The following AUTS2 variants were observed in gnomAD, a reference collection of about 807,000 sequenced individuals.
AUTS2 encodes the protein activator of transcription and developmental regulator AUTS2.
A neutral mutation model predicts 112.4 loss-of-function variants in AUTS2; 17 were observed. The ratio of observed to expected loss-of-function variants is 0.15; its 90% CI spans 0.10 to 0.23. AUTS2 has a LOEUF of 0.23. Among genes scored for constraint, AUTS2 ranks in the 10% least tolerant of loss-of-function variants. The pLI is 1.00. For missense variants in AUTS2, 1,510 were observed against 1,701.6 expected, an observed-to-expected ratio of 0.89 and a Z score of 1.98; for synonymous variants, 751 against 702.7, an observed-to-expected ratio of 1.07 and a Z score of -1.09.
intron 5 of AUTS2, among the ~76,000 whole-genome samples, chr7:70,473,985 T>C (rs1485106055): frequency 6.6e-6 from 1 of 152,136 alleles, no homozygotes; most frequent in Non-Finnish European, 1.5e-5. Flanking sequence ...AGACTTCCCA[T>C]GTGTTAAAAA....
intron 4 of AUTS2, among the ~76,000 whole-genome samples, chr7:70,157,800 T>C (rs1807862255): frequency 1.3e-5 from 2 of 151,914 alleles, no homozygotes; most frequent in South Asian, 2.1e-4. Flanking sequence ...TAAACTGGAA[T>C]ATCCATGGGG....
intron 6 of AUTS2, among the ~76,000 whole-genome samples, chr7:70,716,636 C>CAAAAAAAAAAAAAAA (rs34972760): frequency 3.1e-5 from 2 of 64,942 alleles, no homozygotes; most frequent in African/African-American, 6.6e-5. Context: ...GACTCCGTCT[C>CAAAAAAAAAAAAAAA]AAAAAAAAAA....
At chr7:69,720,281 T>C (rs1043079068) in intron 1 of AUTS2, among the ~76,000 whole-genome samples, 1 of 152,206 alleles carries the variant, frequency 6.6e-6, no homozygotes, top group Non-Finnish European at 1.5e-5. Context: ...CCTTTCATAA[T>C]AGAATGAATA....
At position 69,598,652 on chromosome 7, in the gene AUTS2, G is replaced by A; in HGVS notation, c.-1002G>A. ...GAGAGAAGCGGCGGCGGCGGCGGCG[G>A]CACACCGGTGTCTCTCCCGCTGGAG... On this transcript the variant is annotated 5_prime_UTR_variant, in exon 1 of 19. Transcript: ENST00000342771. The A allele has an allele frequency of 6.0e-6, 1 of 166,614 alleles. No individual in the cohort carries two copies. Among genetic ancestry groups the A allele is most frequent in the South Asian group, 1.3e-4 (1 of 7,572 alleles). 10.3% of individuals were successfully genotyped at this position (166,614 alleles called of 1,614,324 possible).
At chr7:69,628,078 C>T (rs768126344) in intron 1 of AUTS2, among the ~76,000 whole-genome samples, 5 of 152,060 alleles carry the variant, frequency 3.3e-5, no homozygotes, top group Non-Finnish European at 5.9e-5. Context: ...AGTAATGTGT[C>T]GGTAATGTGT....
chr7:69,747,495 T>C (rs1054789975), intron 1 of AUTS2, among the ~76,000 whole-genome samples: 2 of 152,156 alleles, frequency 1.3e-5, no homozygotes, highest in Admixed American at 1.3e-4. Flanking sequence ...GAATATAAGC[T>C]CTGGACTGTG....
In AUTS2 at chr7:70,631,718, C is replaced by G. The variant is rs1805271810; in HGVS notation, c.691-66851C>G. Among the ~76,000 whole-genome samples the G allele has an allele frequency of 6.6e-6, 1 of 152,302 alleles. No homozygotes were observed. Among genetic ancestry groups the G allele is most frequent in the African/African-American group, 2.4e-5 (1 of 41,584 alleles). Reference sequence around the variant, plus strand: ...ATAGCCCCATGTCCCCAACCTTAGCCTTTGCACGGTTGGCTGGGCCACAGC... The same window carrying G: ...ATAGCCCCATGTCCCCAACCTTAGCGTTTGCACGGTTGGCTGGGCCACAGC... On this transcript the variant is annotated intron_variant, in intron 5 of 18. Coordinates refer to ENST00000342771, the MANE Select transcript of AUTS2 (RefSeq NM_015570.4). The surrounding 1 kb of genome is among the most constrained non-coding windows in gnomAD (Gnocchi z 4.5).
At chr7:70,458,377 T>G (rs1245158571) in intron 5 of AUTS2, among the ~76,000 whole-genome samples, 1 of 152,190 alleles carries the variant, frequency 6.6e-6, no homozygotes, top group Non-Finnish European at 1.5e-5. Context: ...CTCTGGTCCT[T>G]CTGGTATGTT....
chr7:70,469,133 A>G (rs968319738), intron 5 of AUTS2, among the ~76,000 whole-genome samples: 2 of 152,202 alleles, frequency 1.3e-5, no homozygotes, highest in Non-Finnish European at 2.9e-5. Context: ...CAAGTATTTG[A>G]GTGTCTGTTA....
chr7:69,873,509 G>A (rs1793596590), intron 1 of AUTS2, among the ~76,000 whole-genome samples: 1 of 150,686 alleles, frequency 6.6e-6, no homozygotes, highest in African/African-American at 2.4e-5. Context: ...TTTATAAGAT[G>A]AGAGAATTAG....
intron 4 of AUTS2, among the ~76,000 whole-genome samples, chr7:70,310,608 G>T (rs1173229566): frequency 7.3e-6 from 1 of 136,984 alleles, no homozygotes; most frequent in Non-Finnish European, 1.6e-5. Context: ...GCGAGACTCT[G>T]TCTTAAAAAA....
chr7:69,714,183 C>T (rs1453465621), intron 1 of AUTS2, among the ~76,000 whole-genome samples: 1 of 151,878 alleles, frequency 6.6e-6, no homozygotes, highest in African/African-American at 2.4e-5. Context: ...ACATCATCCC[C>T]TCAAGCTGTA....
chr7:69,978,524 A>G (rs1282088322), intron 2 of AUTS2, among the ~76,000 whole-genome samples: 1 of 152,118 alleles, frequency 6.6e-6, no homozygotes, highest in African/African-American at 2.4e-5. Context: ...TGTTCCTCTG[A>G]AAAACCATTC....
intron 4 of AUTS2, among the ~76,000 whole-genome samples, chr7:70,354,991 TGTGTATGG>T (rs1440478363): frequency 6.6e-6 from 1 of 151,356 alleles, no homozygotes; most frequent in Non-Finnish European, 1.5e-5. Flanking sequence ...TGGGTGTGTG[TGTGTATGG>T]GTGTGTGTGT....
chr7:69,673,634 A>T (rs540952024), intron 1 of AUTS2, among the ~76,000 whole-genome samples: 1 of 152,356 alleles, frequency 6.6e-6, no homozygotes, highest in African/African-American at 2.4e-5. Context: ...CCCTAAAATC[A>T]GGATAGAATC....
At chr7:69,803,540 TC>T (rs1790176412) in intron 1 of AUTS2, among the ~76,000 whole-genome samples, 1 of 143,060 alleles carries the variant, frequency 7.0e-6, no homozygotes, top group Non-Finnish European at 1.5e-5. Context: ...AAAAAAAAAG[TC>T]CTTGTAGTTG....
chr7:70,221,284 C>A (rs1018716879), intron 4 of AUTS2, among the ~76,000 whole-genome samples: 1 of 152,182 alleles, frequency 6.6e-6, no homozygotes, highest in Admixed American at 6.5e-5. Context: ...AAATTTCAGA[C>A]ATCAAGATAC....
At chr7:70,158,415 A>G (rs2129577082) in intron 4 of AUTS2, among the ~76,000 whole-genome samples, 1 of 152,344 alleles carries the variant, frequency 6.6e-6, no homozygotes, top group East Asian at 1.9e-4. Flanking sequence ...AGAACACAAA[A>G]TTGACAGGAC....
rs56244002 is a variant in AUTS2 at position 70,731,420 on chromosome 7, C to CTTT, written c.743-31425_743-31423dup. Among the ~76,000 whole-genome samples, 89 of 69,506 alleles carry CTTT rather than the reference C, an allele frequency of 1.3e-3. 15 individuals are homozygous for CTTT. The highest frequency in any genetic ancestry group is 3.9e-3 in the East Asian group (7 of 1,798). 45.6% of individuals were successfully genotyped at this position (69,506 alleles called of 152,430 possible). A position where few individuals can be genotyped will look rare whatever the true frequency, so the allele number is the denominator to read the frequency against. ...GCTCATATATCCCCTTTACCCAGAT[C>CTTT]TTTTTTTTTTTTTTTTTTTTTTTTT... On this transcript the variant is annotated intron_variant, in intron 6 of 18. Coordinates refer to ENST00000342771, the MANE Select transcript of AUTS2 (RefSeq NM_015570.4).
Sources: gnomAD v4.1 joint callset for allele counts (sites outside exome capture counted in the v4.1 genomes callset) on GRCh38, gnomAD v4.1.1 for gene constraint, Gnocchi (gnomAD v3.1) non-coding constraint, MANE v1.5 for transcripts, NCBI Gene and HGNC (gene_info 2026-07-23, HGNC 2026-07-21) for gene names.